Variants in RALGAPA2 observed in about 807,000 individuals in gnomAD.
The protein encoded by RALGAPA2 is Ral GTPase activating protein catalytic subunit alpha 2.
Under a neutral mutation model 230.4 loss-of-function variants are expected in RALGAPA2, and 139 were observed. That is an observed-to-expected ratio of 0.60 (90% CI 0.53 to 0.69). RALGAPA2 has a LOEUF of 0.69. Among genes scored for constraint, RALGAPA2 ranks in the 30% least tolerant of loss-of-function variants. RALGAPA2 has a pLI of 0.00. For missense variants in RALGAPA2, 2,163 were observed against 2,276.0 expected, an observed-to-expected ratio of 0.95 and a Z score of 1.01; for synonymous variants, 847 against 837.8, an observed-to-expected ratio of 1.01 and a Z score of -0.19.
At chr20:20,499,255 T>C in intron 35 of RALGAPA2, among the ~76,000 whole-genome samples, 1 of 152,218 alleles carries the variant, frequency 6.6e-6, no homozygotes, top group East Asian at 1.9e-4. Context: ...TAGGGAATCA[T>C]TCAACCAGGC....
At chr20:20,708,815 G>T (rs368139878) in intron 1 of RALGAPA2, among the ~76,000 whole-genome samples, 6 of 152,180 alleles carry the variant, frequency 3.9e-5, no homozygotes, top group Non-Finnish European at 7.4e-5. Flanking sequence ...CTATTATTTT[G>T]TATCTATTCT....
chr20:20,676,788 A>G (rs1047723633), intron 2 of RALGAPA2, among the ~76,000 whole-genome samples: 5 of 152,224 alleles, frequency 3.3e-5, no homozygotes, highest in Non-Finnish European at 7.3e-5. Context: ...TGTACCAAGC[A>G]TCGTGCTAAG....
intron 13 of RALGAPA2, among the ~76,000 whole-genome samples, chr20:20,613,487 C>G (rs559755644): frequency 6.6e-6 from 1 of 152,336 alleles, no homozygotes; most frequent in African/African-American, 2.4e-5. Flanking sequence ...TCTCCAGCAG[C>G]CAGAGGGGCC....
At chr20:20,702,780 T>C (rs1376116694) in intron 1 of RALGAPA2, among the ~76,000 whole-genome samples, 1 of 152,204 alleles carries the variant, frequency 6.6e-6, no homozygotes, top group East Asian at 1.9e-4. Flanking sequence ...GTTCAATGAA[T>C]ATGTGTCATC....
intron 36 of RALGAPA2, among the ~76,000 whole-genome samples, chr20:20,494,649 T>C (rs950347580): frequency 1.3e-5 from 2 of 152,180 alleles, no homozygotes; most frequent in African/African-American, 4.8e-5. Context: ...TGGACATGCC[T>C]GCAATTCTGC....
At chr20:20,511,998 G>A (rs2062718325) in intron 32 of RALGAPA2, among the ~76,000 whole-genome samples, 2 of 152,070 alleles carry the variant, frequency 1.3e-5, no homozygotes. Context: ...AGACCAGCCT[G>A]GCGAACATGG....
chr20:20,571,567 T>C lies in RALGAPA2; in HGVS notation c.3047A>G (p.Tyr1016Cys), dbSNP rs1362175536. 6.2e-7 allele frequency: 1 copy of C among 1,612,110 alleles called. No homozygotes were observed. Among genetic ancestry groups the C allele is most frequent in the Non-Finnish European group, 8.5e-7 (1 of 1,179,152 alleles). Residue 1016 changes from tyrosine to cysteine, a missense_variant, in exon 23 of 40, where the codon TAC becomes TGC. Tyr to Cys is a radical substitution (Grantham distance 194). Coordinates refer to ENST00000202677, the MANE Select transcript of RALGAPA2 (RefSeq NM_020343.4). ...NEYKEGKLQAYRLICAMMTRR... is the reference protein window; with the variant it reads ...NEYKEGKLQACRLICAMMTRR... ...GGTCATCATGGCACAGATCAGCCTG[T>C]AGGCTTGTAGTTTGCCTTCCTTATA...
chr20:20,644,047 A>C (rs901278118), intron 4 of RALGAPA2, among the ~76,000 whole-genome samples: 5 of 152,178 alleles, frequency 3.3e-5, no homozygotes, highest in African/African-American at 1.2e-4. Flanking sequence ...GCTGACTCGG[A>C]ACTCCAGTCA....
In RALGAPA2 at chr20:20,520,993, C is replaced by T. The variant is rs2063021064; in HGVS notation, c.4008G>A (p.Leu1336=). 6.2e-7 allele frequency: 1 copy of T among 1,613,896 alleles called. No individual in the cohort carries two copies. The highest frequency in any genetic ancestry group is 1.1e-5 in the South Asian group (1 of 91,074). ...SSTDYDPFLP[L]ANVKSSEPVQ... is the part of the protein sequence containing the mutation. ...CTGGCTCAGAGCTCTTCACATTTGC[C>T]AGTGGCAGGAAGGGGTCATAATCCG... The change falls in exon 31 of 40, where the codon CTG becomes CTA. Residue 1336 remains leucine, a synonymous_variant. Transcript: ENST00000202677.
In RALGAPA2 at chr20:20,512,551, T is replaced by C. The variant is rs151107257; in HGVS notation, c.4818A>G (p.Leu1606=). 1,051 of 1,612,052 alleles carry C rather than the reference T, an allele frequency of 6.5e-4. 7 individuals carry two copies. The African/African-American group carries it at 0.012, about 18-fold the overall frequency. ...EPRGPFYFCR[L]LLDDLGMNSW... is the part of the protein sequence containing the mutation. ...AATTCATTCCCAAGTCATCAAGCAA[T>C]AACCTGCAGAAATAAAAGGGTCCTC... is the stretch of plus-strand genomic sequence containing the variant. The change falls in exon 32 of 40, where the codon TTA becomes TTG. Residue 1606 remains leucine (L), a synonymous_variant. Transcript: ENST00000202677.
chr20:20,669,997 T>C (rs2068080845), intron 3 of RALGAPA2, among the ~76,000 whole-genome samples: 1 of 152,190 alleles, frequency 6.6e-6, no homozygotes, highest in Admixed American at 6.5e-5. Flanking sequence ...ATCACCAAAA[T>C]ATCACTTCTG....
intron 16 of RALGAPA2, among the ~76,000 whole-genome samples, chr20:20,599,954 T>G (rs935968698): frequency 1.3e-5 from 2 of 149,046 alleles, no homozygotes; most frequent in Admixed American, 6.7e-5. Context: ...GCCTGGGCTT[T>G]TTTTTAAGAC....
chr20:20,516,865 TG>T (rs1357977982), intron 31 of RALGAPA2, among the ~76,000 whole-genome samples: 2 of 152,216 alleles, frequency 1.3e-5, no homozygotes, highest in Admixed American at 6.5e-5. Context: ...GAACACCCCA[TG>T]GGACAAAAGA....
At chr20:20,597,471 G>C (rs1275875597) in intron 16 of RALGAPA2, among the ~76,000 whole-genome samples, 7 of 151,986 alleles carry the variant, frequency 4.6e-5, no homozygotes, top group African/African-American at 1.7e-4. Context: ...AAAGTAATAT[G>C]GTATTTACAT....
chr20:20,396,756 T>C, intron 38 of RALGAPA2, 22 bp from the exon 39 acceptor site: 1 of 1,565,312 alleles, frequency 6.4e-7, no homozygotes, highest in East Asian at 2.3e-5. Context: ...GAACACAAAA[T>C]GGAATGAATA....
intron 5 of RALGAPA2, among the ~76,000 whole-genome samples, chr20:20,643,275 C>T (rs2067103617): frequency 6.6e-6 from 1 of 152,214 alleles, no homozygotes; most frequent in Admixed American, 6.5e-5. Flanking sequence ...GAACTCAGAA[C>T]TCTAAACTCT....
intron 37 of RALGAPA2, among the ~76,000 whole-genome samples, chr20:20,412,906 G>C (rs963103218): frequency 7.2e-5 from 11 of 152,200 alleles, no homozygotes; most frequent in Non-Finnish European, 1.6e-4. Flanking sequence ...GGCTTTCACA[G>C]GGCAGAAAGC....
chr20:20,633,173 T>C (rs1029398692), intron 9 of RALGAPA2, among the ~76,000 whole-genome samples: 1 of 151,930 alleles, frequency 6.6e-6, no homozygotes, highest in Non-Finnish European at 1.5e-5. Context: ...CTCACTCTGT[T>C]GCCCAGACTG....
At chr20:20,662,388 T>C (rs1603220108) in intron 3 of RALGAPA2, among the ~76,000 whole-genome samples, 1 of 152,122 alleles carries the variant, frequency 6.6e-6, no homozygotes, top group Non-Finnish European at 1.5e-5. Context: ...ATAATCAACA[T>C]TGTGATTCGC....
Sources: allele counts gnomAD v4.1 joint callset (sites outside exome capture counted in the v4.1 genomes callset), GRCh38; gene constraint gnomAD v4.1.1; transcripts MANE v1.5; gene names NCBI Gene and HGNC (gene_info 2026-07-23, HGNC 2026-07-21).